Variants in FANCB observed in about 807,000 individuals in gnomAD.
The protein encoded by FANCB is Fanconi anemia group B protein.
In FANCB, 5 loss-of-function variants were observed where a neutral mutation model predicts 38.9. The ratio of observed to expected loss-of-function variants is 0.13; its 90% CI spans 0.07 to 0.27. The LOEUF (loss-of-function observed/expected upper bound fraction) is 0.27, where lower values mean the gene tolerates loss of function less well. Ranked by LOEUF, FANCB falls within the 10% of genes least tolerant of loss-of-function variation. FANCB has a pLI of 1.00. For missense variants in FANCB, 573 were observed against 602.7 expected, an observed-to-expected ratio of 0.95 and a Z score of 0.52; for synonymous variants, 236 against 215.4, an observed-to-expected ratio of 1.10 and a Z score of -0.84.
chrX:14,858,982 C>G (rs1482195772), intron 4 of FANCB, among the ~76,000 whole-genome samples, 200 bp downstream of exon 4: 1 of 111,194 alleles, frequency 9.0e-6, no homozygotes. Flanking sequence ...AAATTTATAT[C>G]AAAAGCATGG....
chrX:14,748,430 T>TTCCTGA, the FANCB span, among the ~76,000 whole-genome samples: 3 of 112,305 alleles, frequency 2.7e-5, no homozygotes, highest in Non-Finnish European at 5.6e-5. Context: ...CATGCACAGA[T>TTCCTGA]TCCTGACCCA....
chrX:14,813,420 T>A, the FANCB span, among the ~76,000 whole-genome samples: 1 of 111,321 alleles, frequency 9.0e-6, no homozygotes, highest in Admixed American at 9.6e-5. Flanking sequence ...GAAAACCCCA[T>A]CGTCTCAGCC....
At chrX:14,859,097 T>C (rs1057286648) in intron 4 of FANCB, 85 bp downstream of exon 4, 43 of 601,033 alleles carry the variant, frequency 7.2e-5, no homozygotes, top group Non-Finnish European at 1.0e-5. Flanking sequence ...ACCACCAATA[T>C]TTAAATGATA....
At position 14,844,921 on chromosome X, in the gene FANCB, A is replaced by G; in HGVS notation, c.1862T>C (p.Phe621Ser). 8.3e-7 allele frequency: 1 copy of G among 1,199,639 alleles called. No homozygotes were observed. The highest frequency in any genetic ancestry group is 2.4e-4 in the Middle Eastern group (1 of 4,253). The change falls in exon 8 of 10, where the codon TTT (phenylalanine) becomes TCT (serine). Residue 621 changes from phenylalanine to serine, a missense_variant. Coordinates refer to ENST00000650831, the MANE Select transcript of FANCB (RefSeq NM_001018113.3). ...AGTTGAAAGATCTTCTAGACTTAAAAAAACTCTGCCACACACAACATAACG... is the reference window on the plus strand; with the variant it reads ...AGTTGAAAGATCTTCTAGACTTAAAGAAACTCTGCCACACACAACATAACG... ...KDRYVVCGRV[F>S]LSLEDLSTGK...
At chrX:14,816,310 A>G in the FANCB span, among the ~76,000 whole-genome samples, 427 of 112,526 alleles carry the variant, frequency 3.8e-3, 2 homozygotes, top group African/African-American at 0.013. Flanking sequence ...TAGGCAAAGA[A>G]GGAAAAATAA....
chrX:14,797,199 T>C, the FANCB span, among the ~76,000 whole-genome samples: 1 of 112,096 alleles, frequency 8.9e-6, no homozygotes, highest in Non-Finnish European at 1.9e-5. Flanking sequence ...CCTTGCTGGC[T>C]GTTAGCAGGA....
the FANCB span, among the ~76,000 whole-genome samples, chrX:14,694,434 T>C: frequency 9.0e-6 from 1 of 111,616 alleles, no homozygotes; most frequent in East Asian, 2.8e-4. Context: ...GGTTGAAAAA[T>C]AGGTAATTTC....
At chrX:14,774,917 C>T in the FANCB span, among the ~76,000 whole-genome samples, 1 of 111,054 alleles carries the variant, frequency 9.0e-6, no homozygotes, top group Admixed American at 9.5e-5. Flanking sequence ...ACTGCAAGCT[C>T]CGCCTCCCGG....
chrX:14,729,457 T>C, the FANCB span, among the ~76,000 whole-genome samples: 1 of 111,756 alleles, frequency 8.9e-6, no homozygotes, highest in Non-Finnish European at 1.9e-5. Flanking sequence ...AAGGAATAAA[T>C]ACAATTTTTC....
chrX:14,859,343 A>G lies in FANCB; in HGVS notation c.952-9T>C. 8.6e-7 allele frequency: 1 copy of G among 1,168,424 alleles called. No individual in the cohort carries two copies. Among genetic ancestry groups the G allele is most frequent in the Non-Finnish European group, 1.2e-6 (1 of 856,903 alleles). ...TCCCATTTAGCAGCAACCTAAAAGA[A>G]AGGGAGCATTATAGGAGGAGTAGAC... On this transcript the variant is annotated splice_polypyrimidine_tract_variant and intron_variant, in intron 3 of 9. Transcript: ENST00000650831.
the FANCB span, among the ~76,000 whole-genome samples, chrX:14,722,481 T>A: frequency 1.9e-3 from 209 of 111,321 alleles, no homozygotes; most frequent in African/African-American, 6.6e-3. Flanking sequence ...TTCCACCAAA[T>A]TCTGTTGATT....
At chrX:14,787,862 A>T in the FANCB span, among the ~76,000 whole-genome samples, 1 of 81,494 alleles carries the variant, frequency 1.2e-5, no homozygotes, top group African/African-American at 4.7e-5. Flanking sequence ...AATAACTCTA[A>T]TTTTTAAAAA....
At chrX:14,733,360 T>C in the FANCB span, among the ~76,000 whole-genome samples, 1 of 112,003 alleles carries the variant, frequency 8.9e-6, no homozygotes, top group African/African-American at 3.2e-5. Flanking sequence ...TGGGCTCTTT[T>C]TTGGTTCCAT....
intron 3 of FANCB, 139 bp from the exon 4 acceptor site, chrX:14,859,473 T>C (rs1383253010): frequency 6.8e-6 from 3 of 442,816 alleles, no homozygotes; most frequent in Non-Finnish European, 1.2e-5. Context: ...TAGTAAAAAC[T>C]AAAATAAAAT....
At chrX:14,708,089 C>T in the FANCB span, among the ~76,000 whole-genome samples, 4 of 110,700 alleles carry the variant, frequency 3.6e-5, no homozygotes, top group African/African-American at 1.3e-4. Flanking sequence ...TAACTATAGT[C>T]ACATTGTTGT....
At chrX:14,774,877 G>C in the FANCB span, among the ~76,000 whole-genome samples, 1 of 110,886 alleles carries the variant, frequency 9.0e-6, no homozygotes, top group Non-Finnish European at 1.9e-5. Context: ...CTGTCGCCCA[G>C]GCTAGCGTGC....
chrX:14,788,863 T>C, the FANCB span, among the ~76,000 whole-genome samples: 1 of 111,557 alleles, frequency 9.0e-6, no homozygotes, highest in South Asian at 3.8e-4. Flanking sequence ...TTGGAAATTT[T>C]CACCTTCTAT....
the FANCB span, among the ~76,000 whole-genome samples, chrX:14,767,304 C>A: frequency 8.9e-6 from 1 of 111,931 alleles, no homozygotes; most frequent in South Asian, 3.7e-4. Context: ...ACACTCCCAC[C>A]AACAGTGTAA....
At chrX:14,776,081 G>A in the FANCB span, among the ~76,000 whole-genome samples, 2 of 86,964 alleles carry the variant, frequency 2.3e-5, no homozygotes, top group Non-Finnish European at 4.3e-5. Context: ...TTATGGGCAC[G>A]TCTGATATGC....
Sources: gnomAD v4.1 joint callset for allele counts (sites outside exome capture counted in the v4.1 genomes callset) on GRCh38, gnomAD v4.1.1 for gene constraint, MANE v1.5 for transcripts, NCBI Gene and HGNC (gene_info 2026-07-23, HGNC 2026-07-21) for gene names.